KIF21A: variants seen among roughly 807,000 people sequenced by gnomAD.
KIF21A encodes the protein kinesin family member 21A, also known as kinesin-like protein KIF21A.
Under a neutral mutation model 202.9 loss-of-function variants are expected in KIF21A, and 114 were observed. The observed-to-expected ratio is 0.56, with a 90% confidence interval of 0.48 to 0.66. The LOEUF (loss-of-function observed/expected upper bound fraction) is 0.66. Ranked by LOEUF, KIF21A falls within the 30% of genes least tolerant of loss-of-function variation. The probability of loss-of-function intolerance (pLI) is 0.00; values close to 1 mark genes in which losing one functional copy is unlikely to be tolerated. For missense variants in KIF21A, 1,677 were observed against 1,994.9 expected, an observed-to-expected ratio of 0.84 and a Z score of 3.04; for synonymous variants, 667 against 670.8, an observed-to-expected ratio of 0.99 and a Z score of 0.09.
Position 39,322,734 on chromosome 12 carries a change from C to A in KIF21A, c.3605G>T (p.Ser1202Ile), listed in dbSNP as rs1249207861. 1.5e-5 allele frequency: 25 copies of A among 1,614,132 alleles called. No homozygotes were observed. Among genetic ancestry groups the A allele is most frequent in the Middle Eastern group, 1.7e-4 (1 of 6,058 alleles). ...CTCTTTTTCCCTAGCAGAAGTACCA[C>A]TTGTCTCTGTATTCATTCCAATCTC... ...GQEIGMNTET[S>I]GTSAREKELS... The change falls in exon 27 of 38, where the codon AGT becomes ATT. Residue 1202 changes from serine (S) to isoleucine (I), a missense_variant. Transcript: ENST00000361418.
chr12:39,387,258 C>T (rs1218958925), intron 1 of KIF21A, among the ~76,000 whole-genome samples: 2 of 151,682 alleles, frequency 1.3e-5, no homozygotes, highest in East Asian at 3.9e-4. Flanking sequence ...CCTCTCAGGC[C>T]CCCTTACATG....
At position 39,439,385 on chromosome 12, in the gene KIF21A, T is replaced by A. The variant is rs77080009; in HGVS notation, c.44+3542A>T. ...TTATCATTTCAACATACAGTCAATA[T>A]AAGAATTGAAATATTTACATTCGTT... On this transcript the variant is annotated intron_variant, in intron 1 of 37. Transcript: ENST00000361418. Among the ~76,000 whole-genome samples the A allele has an allele frequency of 2.0e-5, 3 of 152,286 alleles. No homozygotes were observed. In the South Asian group the frequency reaches 6.2e-4, roughly 32 times the overall value.
At chr12:39,398,989 T>C (rs1028203486) in intron 1 of KIF21A, among the ~76,000 whole-genome samples, 14 of 152,144 alleles carry the variant, frequency 9.2e-5, no homozygotes, top group Non-Finnish European at 1.8e-4. Flanking sequence ...TTTGGGAGGC[T>C]GAGGCAGGAG....
rs1942107823 is a variant in KIF21A at position 39,294,529 on chromosome 12, TAAAC to T, written c.4932-16_4932-13del. On this transcript the variant is annotated splice_polypyrimidine_tract_variant and intron_variant, in intron 37 of 37. Transcript: ENST00000361418. ...TCACAGTTCGATCACTACAAAAAAA[TAAAC>T]AAAACATGGATATATGAACAAGGGC... 3 of 1,594,882 alleles carry T rather than the reference TAAAC, an allele frequency of 1.9e-6. No homozygotes were observed. The highest frequency in any genetic ancestry group is 2.6e-6 in the Non-Finnish European group (3 of 1,163,044).
rs1948730201 is a variant in KIF21A at position 39,355,723 on chromosome 12, A to ATATATATATATATATATATATC, written c.1469+1108_1469+1109insGATATATATATATATATATATA. Among the ~76,000 whole-genome samples, 3 of 143,486 alleles carry ATATATATATATATATATATATC rather than the reference A, an allele frequency of 2.1e-5. No homozygotes were observed. The East Asian group carries it at 6.1e-4, about 29-fold the overall frequency. The allele number at this position is 143,486 out of a possible 152,430, so 94.1% of individuals were successfully genotyped here. ...CATGAACAATTATATATATATATAT[A>ATATATATATATATATATATATC]TATATATATATGTTATATGCATAAC... On this transcript the variant is annotated intron_variant, in intron 10 of 37. Coordinates refer to ENST00000361418, the MANE Select transcript of KIF21A (RefSeq NM_001173464.2).
chr12:39,432,637 G>T (rs1938105825), intron 1 of KIF21A, among the ~76,000 whole-genome samples: 1 of 150,250 alleles, frequency 6.7e-6, no homozygotes. Context: ...TTTTAACAGA[G>T]CCTGGCTCTA....
chr12:39,417,221 G>T (rs983336207), intron 1 of KIF21A, among the ~76,000 whole-genome samples: 1 of 152,076 alleles, frequency 6.6e-6, no homozygotes, highest in Non-Finnish European at 1.5e-5. Flanking sequence ...GGGAGAGAAT[G>T]ATAGAAAAAT....
chr12:39,343,760 C>T (rs894539462), intron 12 of KIF21A, among the ~76,000 whole-genome samples: 5 of 152,164 alleles, frequency 3.3e-5, no homozygotes, highest in African/African-American at 1.2e-4. Flanking sequence ...ACTAGGCAGT[C>T]AGCTTCCTAA....
At chr12:39,390,047 T>C (rs1296224436) in intron 1 of KIF21A, among the ~76,000 whole-genome samples, 1 of 152,176 alleles carries the variant, frequency 6.6e-6, no homozygotes, top group African/African-American at 2.4e-5. Flanking sequence ...AAATTGTGTT[T>C]TAGGGACACT....
At chr12:39,311,609 A>C in intron 31 of KIF21A, 56 bp from the exon 32 acceptor site, 6 of 1,582,512 alleles carry the variant, frequency 3.8e-6, no homozygotes. Flanking sequence ...ATGAGACTAT[A>C]TCATGAGACT....
rs77596484 is a variant in KIF21A, at chr12:39,302,507, C to A, written c.4731+458G>T. The stretch of plus-strand genomic sequence containing the variant: ...GAATTTATTGACACATCACTTCAAC[C>A]CAACTATCATTTTGTAGGAAATGAG... On this transcript the variant is annotated intron_variant, in intron 36 of 37. Transcript: ENST00000361418. 3.5e-4 allele frequency among the ~76,000 whole-genome samples: 54 copies of A among 152,264 alleles called. 1 individual carries two copies. The East Asian group carries it at 0.01, about 28-fold the overall frequency.
chr12:39,369,979 C>T lies in KIF21A; in HGVS notation c.267+60G>A, dbSNP rs572918843. The T allele has an allele frequency of 4.0e-5, 64 of 1,587,144 alleles. No individual in the cohort carries two copies. The African/African-American group carries it at 4.4e-4, about 11-fold the overall frequency. ...TAACCTTAAGAAACAAAAATGAAAGCGCAACTGAATTAACATTTCTGAAAA... is the reference window on the plus strand; with the variant it reads ...TAACCTTAAGAAACAAAAATGAAAGTGCAACTGAATTAACATTTCTGAAAA... On this transcript the variant is annotated intron_variant, in intron 2 of 37. Coordinates refer to ENST00000361418, the MANE Select transcript of KIF21A (RefSeq NM_001173464.2).
At chr12:39,366,984 G>A in intron 5 of KIF21A, 46 bp downstream of exon 5, 1 of 1,536,104 alleles carries the variant, frequency 6.5e-7, no homozygotes, top group Admixed American at 1.7e-5. Context: ...TGTGGTTTTA[G>A]GGAGATAAAA....
chr12:39,413,458 C>T lies in KIF21A; in HGVS notation c.44+29469G>A, dbSNP rs551432054. Among the ~76,000 whole-genome samples, 3 of 152,266 alleles carry T rather than the reference C, an allele frequency of 2.0e-5. No individual in the cohort carries two copies. The East Asian group carries it at 5.8e-4, about 29-fold the overall frequency. On this transcript the variant is annotated intron_variant, in intron 1 of 37. Coordinates refer to ENST00000361418, the MANE Select transcript of KIF21A (RefSeq NM_001173464.2). ...CTTAAAAGAGGTTCCTTGGGGACAA[C>T]AAGAAAGTGTGTCAGATAGATGCCT...
intron 1 of KIF21A, among the ~76,000 whole-genome samples, chr12:39,372,816 C>T (rs80329996): frequency 6.6e-6 from 1 of 152,044 alleles, no homozygotes; most frequent in Non-Finnish European, 1.5e-5. Flanking sequence ...ACAGCAAAAA[C>T]CCCAATCCTC....
chr12:39,416,611 ATATATG>A (rs1419753254), intron 1 of KIF21A, among the ~76,000 whole-genome samples: 4 of 138,682 alleles, frequency 2.9e-5, no homozygotes, highest in South Asian at 2.4e-4. Context: ...ACATATATAT[ATATATG>A]TACATATATA....
In KIF21A at chr12:39,319,985, T is replaced by C. The variant is rs750548981; in HGVS notation, c.3700A>G (p.Lys1234Glu). Residue 1234 changes from lysine (K) to glutamate (E), a missense_variant, in exon 28 of 38, where the codon AAA becomes GAA. Lys to Glu is a moderately conservative substitution (Grantham distance 56). Around this residue, in one of 3 missense-constraint regions of KIF21A, gnomAD observed 705 missense variants for 791.9 expected, o/e 0.89. Transcript: ENST00000361418. ...GTTACAGGAGAAGGCTCTGGAATTT[T>C]TTTTTCTGATAGAGATGACTGCCTG... is the stretch of plus-strand genomic sequence containing the variant. ...ISRQSSLSEK[K>E]IPEPSPVTRR... 1 of 1,606,912 alleles carries C rather than the reference T, an allele frequency of 6.2e-7. No homozygotes were observed. The highest frequency in any genetic ancestry group is 8.5e-7 in the Non-Finnish European group (1 of 1,175,168).
intron 1 of KIF21A, among the ~76,000 whole-genome samples, chr12:39,416,733 A>ATGTGTATATATGTACATATATATG (rs2140146569): frequency 9.5e-6 from 1 of 104,836 alleles, no homozygotes; most frequent in South Asian, 2.7e-4. Flanking sequence ...GTACATATAT[A>ATGTGTATATATGTACATATATATG]TGTGTATATA....
rs1174065734 is a variant in KIF21A, at chr12:39,296,652, G to A, written c.4932-2135C>T. Among the ~76,000 whole-genome samples the A allele has an allele frequency of 3.3e-5, 5 of 152,178 alleles. 1 individual carries two copies. Among genetic ancestry groups the A allele is most frequent in the African/African-American group, 7.2e-5 (3 of 41,456 alleles). ...AGACTTGCAGGGTCAGGACATTTGA[G>A]AGAAAAACATTCCAGGCCAAAAGAG... On this transcript the variant is annotated intron_variant, in intron 37 of 37. Coordinates refer to ENST00000361418, the MANE Select transcript of KIF21A (RefSeq NM_001173464.2).
Sources: gnomAD v4.1 joint callset for allele counts (sites outside exome capture counted in the v4.1 genomes callset) on GRCh38, gnomAD v4.1.1 for gene constraint, gnomAD v4.1.1 regional missense constraint, MANE v1.5 for transcripts, NCBI Gene and HGNC (gene_info 2026-07-23, HGNC 2026-07-21) for gene names.